MRPL22: variants seen among roughly 807,000 people sequenced by gnomAD.
MRPL22 encodes large ribosomal subunit protein uL22m.
MRPL22 carries 27 observed loss-of-function variants against 32.4 expected under a neutral mutation model. That is an observed-to-expected ratio of 0.83 (90% CI 0.61 to 1.15). The LOEUF (loss-of-function observed/expected upper bound fraction) is 1.15, where lower values mean the gene tolerates loss of function less well. Ranked by LOEUF, MRPL22 falls within the 50% of genes most tolerant of loss-of-function variation. The pLI, the probability that MRPL22 is intolerant of heterozygous loss-of-function variation, is 0.00. For missense variants in MRPL22, 239 were observed against 260.2 expected (o/e 0.92, Z 0.56); for synonymous variants, 86 against 87.3 (o/e 0.99, Z 0.08).
intron 6 of MRPL22, among the ~76,000 whole-genome samples, 187 bp from the exon 7 acceptor site, chr5:154,966,499 A>G (rs990343948): frequency 6.6e-6 from 1 of 152,142 alleles, no homozygotes; most frequent in African/African-American, 2.4e-5. Context: ...TACTTCTCCA[A>G]CACTAGAATA....
chr5:154,951,553 T>A (rs758047893), intron 3 of MRPL22, among the ~76,000 whole-genome samples: 46 of 152,118 alleles, frequency 3.0e-4, no homozygotes, highest in Non-Finnish European at 4.4e-5. Context: ...TATTATTATT[T>A]TTGAGACAGA....
At chr5:154,960,829 A>G (rs992312719) in intron 6 of MRPL22, among the ~76,000 whole-genome samples, 1 of 152,182 alleles carries the variant, frequency 6.6e-6, no homozygotes, top group Non-Finnish European at 1.5e-5. Context: ...CACTACAGCA[A>G]TTACTCCTAA....
chr5:154,945,423 G>C (rs1158178863), intron 2 of MRPL22, among the ~76,000 whole-genome samples: 1 of 152,210 alleles, frequency 6.6e-6, no homozygotes, highest in African/African-American at 2.4e-5. Flanking sequence ...TTTTGGGTTT[G>C]TTAAATCTGA....
intron 2 of MRPL22, among the ~76,000 whole-genome samples, chr5:154,946,162 A>G (rs958462831): frequency 6.6e-6 from 1 of 152,156 alleles, no homozygotes; most frequent in African/African-American, 2.4e-5. Context: ...TACAGCAGGT[A>G]TGGGCCTGAC....
At chr5:154,949,814 G>A (rs1299953140) in intron 2 of MRPL22, among the ~76,000 whole-genome samples, 1 of 152,120 alleles carries the variant, frequency 6.6e-6, no homozygotes, top group Admixed American at 6.6e-5. Flanking sequence ...TCATCATCAA[G>A]TCTCAGCCTA....
chr5:154,965,774 T>C (rs549648339), intron 6 of MRPL22, among the ~76,000 whole-genome samples: 1 of 152,244 alleles, frequency 6.6e-6, no homozygotes, highest in South Asian at 2.1e-4. Context: ...AATTTTGATA[T>C]ACAGAATGGG....
chr5:154,953,537 G>A (rs994117744), intron 3 of MRPL22, among the ~76,000 whole-genome samples: 1 of 151,638 alleles, frequency 6.6e-6, no homozygotes, highest in African/African-American at 2.4e-5. Context: ...AACTCTTTGA[G>A]CTACCATTTC....
intron 2 of MRPL22, among the ~76,000 whole-genome samples, chr5:154,946,864 C>T (rs1764498867): frequency 6.6e-6 from 1 of 152,072 alleles, no homozygotes; most frequent in Non-Finnish European, 1.5e-5. Flanking sequence ...TGCTATGTTG[C>T]CCAGGCTGGT....
rs1764640480 is a variant in MRPL22, at chr5:154,957,122, C to A, written c.262-13C>A. 1.2e-6 allele frequency: 2 copies of A among 1,602,594 alleles called. No homozygotes were observed. The highest frequency in any genetic ancestry group is 1.7e-6 in the Non-Finnish European group (2 of 1,171,502). On this transcript the variant is annotated splice_polypyrimidine_tract_variant and intron_variant, in intron 4 of 6. Transcript: ENST00000523037. ...TAATTTATTTTCTTTTGTCTCTCAC[C>A]CTTTAATTCTAGATACGAGGAATGT...
At chr5:154,948,031 G>A (rs184388533) in intron 2 of MRPL22, among the ~76,000 whole-genome samples, 1 of 152,298 alleles carries the variant, frequency 6.6e-6, no homozygotes, top group Non-Finnish European at 1.5e-5. Context: ...TCTATGTCTC[G>A]CTAAAGAGTC....
chr5:154,942,253 T>C (rs1269232216), intron 2 of MRPL22, among the ~76,000 whole-genome samples: 2 of 152,220 alleles, frequency 1.3e-5, no homozygotes, highest in Non-Finnish European at 2.9e-5. Context: ...CTCTAGTAGA[T>C]TTTAAAAAGG....
intron 6 of MRPL22, among the ~76,000 whole-genome samples, chr5:154,963,804 A>G (rs1191808091): frequency 6.6e-6 from 1 of 152,238 alleles, no homozygotes; most frequent in Admixed American, 6.5e-5. Context: ...GAAAAGGTCA[A>G]TATGGGTTAG....
chr5:154,946,076 A>T (rs1764486368), intron 2 of MRPL22, among the ~76,000 whole-genome samples: 3 of 152,192 alleles, frequency 2.0e-5, no homozygotes, highest in Admixed American at 1.3e-4. Flanking sequence ...AGTATGTTTA[A>T]TTTATGAAGC....
chr5:154,951,054 A>G (rs1163484979), intron 3 of MRPL22, 116 bp downstream of exon 3: 3 of 690,206 alleles, frequency 4.3e-6, no homozygotes, highest in African/African-American at 1.8e-5. Flanking sequence ...ACTCTAATTG[A>G]CAGAGAAGAT....
intron 2 of MRPL22, among the ~76,000 whole-genome samples, chr5:154,943,710 T>C (rs1180993181): frequency 6.6e-6 from 1 of 151,726 alleles, no homozygotes; most frequent in Admixed American, 6.6e-5. Flanking sequence ...CGTTTTGCTG[T>C]GTCACCCAGG....
intron 2 of MRPL22, among the ~76,000 whole-genome samples, chr5:154,943,748 C>A (rs1561737200): frequency 6.6e-6 from 1 of 151,578 alleles, no homozygotes; most frequent in Admixed American, 6.6e-5. Context: ...GATCATAGCT[C>A]ACTGCAGCCT....
At chr5:154,948,339 C>T (rs771372058) in intron 2 of MRPL22, among the ~76,000 whole-genome samples, 27 of 152,182 alleles carry the variant, frequency 1.8e-4, no homozygotes, top group Non-Finnish European at 5.9e-5. Flanking sequence ...AACTGTCATA[C>T]TTTATAATAG....
chr5:154,944,718 T>C (rs1326611989), intron 2 of MRPL22, among the ~76,000 whole-genome samples: 1 of 152,084 alleles, frequency 6.6e-6, no homozygotes, highest in African/African-American at 2.4e-5. Context: ...AAAGCAGAGA[T>C]TGAGAATAAG....
intron 4 of MRPL22, 143 bp downstream of exon 4, chr5:154,956,579 G>A: frequency 1.6e-6 from 1 of 619,358 alleles, no homozygotes; most frequent in South Asian, 2.1e-5. Context: ...TCAAAAGAAT[G>A]ATTGTTCAGA....
Sources: allele counts gnomAD v4.1 joint callset (sites outside exome capture counted in the v4.1 genomes callset), GRCh38; gene constraint gnomAD v4.1.1; transcripts MANE v1.5; gene names NCBI Gene and HGNC (gene_info 2026-07-23, HGNC 2026-07-21).